ACBD6: variants seen among roughly 807,000 people sequenced by gnomAD.
ACBD6 encodes the protein acyl-CoA-binding domain-containing protein 6.
In ACBD6, 28 loss-of-function variants were observed where a neutral mutation model predicts 37.2. That is an observed-to-expected ratio of 0.75 (90% CI 0.56 to 1.03). The LOEUF is 1.03. ACBD6 is among the 50% of genes least tolerant of loss of function. The pLI is 0.00. For synonymous variants in ACBD6, 113 were observed against 126.8 expected, an observed-to-expected ratio of 0.89 and a Z score of 0.73; for missense variants, 340 against 337.4, an observed-to-expected ratio of 1.01 and a Z score of -0.06.
At chr1:180,349,416 T>C (rs924809361) in intron 6 of ACBD6, among the ~76,000 whole-genome samples, 3 of 151,642 alleles carry the variant, frequency 2.0e-5, no homozygotes, top group African/African-American at 4.8e-5. Flanking sequence ...CCACCACGCC[T>C]GGCTAATTTT....
At chr1:180,421,315 CTCCA>C (rs1254559346) in intron 4 of ACBD6, among the ~76,000 whole-genome samples, 3 of 152,206 alleles carry the variant, frequency 2.0e-5, no homozygotes, top group Non-Finnish European at 4.4e-5. Context: ...TGGCTTCCAA[CTCCA>C]TCCATGTCCC....
intron 6 of ACBD6, among the ~76,000 whole-genome samples, chr1:180,389,969 A>G (rs1048189315): frequency 1.8e-4 from 27 of 151,822 alleles, no homozygotes; most frequent in Middle Eastern, 3.2e-3. Context: ...TCACTCTGAT[A>G]GTAGTTTCTT....
chr1:180,415,328 C>T (rs1648042391), intron 4 of ACBD6, among the ~76,000 whole-genome samples: 2 of 151,206 alleles, frequency 1.3e-5, no homozygotes, highest in Admixed American at 1.3e-4. Context: ...ACCCAGGAGG[C>T]AGAGGTTGCA....
chr1:180,427,577 C>G (rs1433513970), intron 4 of ACBD6, among the ~76,000 whole-genome samples: 2 of 152,116 alleles, frequency 1.3e-5, no homozygotes, highest in Non-Finnish European at 2.9e-5. Flanking sequence ...ACGTAAGAAA[C>G]CATACGGACT....
intron 2 of ACBD6, among the ~76,000 whole-genome samples, chr1:180,493,263 A>ACAAAAC (rs1651585033): frequency 1.4e-5 from 2 of 140,754 alleles, no homozygotes; most frequent in Non-Finnish European, 3.0e-5. Flanking sequence ...AAAAAAAAAA[A>ACAAAAC]AAAAAAAAAA....
chr1:180,449,826 G>T (rs1426415129), intron 3 of ACBD6, among the ~76,000 whole-genome samples: 2 of 151,148 alleles, frequency 1.3e-5, no homozygotes, highest in Admixed American at 6.6e-5. Flanking sequence ...ACAAGTTAAT[G>T]GGTACAGCAA....
At chr1:180,334,097 T>C (rs1167372608) in intron 6 of ACBD6, among the ~76,000 whole-genome samples, 1 of 152,222 alleles carries the variant, frequency 6.6e-6, no homozygotes, top group African/African-American at 2.4e-5. Context: ...GGGCAGGGCA[T>C]AGTCAAACAA....
chr1:180,367,051 C>G (rs748725658), intron 6 of ACBD6, among the ~76,000 whole-genome samples: 1 of 152,182 alleles, frequency 6.6e-6, no homozygotes, highest in Non-Finnish European at 1.5e-5. Context: ...TAATGCTACA[C>G]AGATTCCTGT....
At chr1:180,301,161 G>C (rs1347699502) in intron 7 of ACBD6, among the ~76,000 whole-genome samples, 4 of 152,138 alleles carry the variant, frequency 2.6e-5, no homozygotes, top group African/African-American at 7.2e-5. Flanking sequence ...CACCACTACT[G>C]TATATCTGCC....
chr1:180,269,914 G>T (rs1648535690), exon 14 of ACBD6: 1 of 152,272 alleles, frequency 6.6e-6, no homozygotes, highest in Non-Finnish European at 1.5e-5. Flanking sequence ...TTCAGGGAGG[G>T]AGTTGGGCCA....
At chr1:180,461,212 A>C (rs753109791) in intron 3 of ACBD6, among the ~76,000 whole-genome samples, 2 of 152,228 alleles carry the variant, frequency 1.3e-5, no homozygotes, top group Non-Finnish European at 2.9e-5. Context: ...AAAAAAAGTA[A>C]AAAGTAATGA....
chr1:180,450,360 AC>A (rs1229486614), intron 3 of ACBD6, among the ~76,000 whole-genome samples: 6 of 152,218 alleles, frequency 3.9e-5, no homozygotes, highest in Admixed American at 6.5e-5. Context: ...CACAAGAATG[AC>A]TGGGAAGGTA....
At chr1:180,429,662 TC>T (rs1482160464) in intron 4 of ACBD6, among the ~76,000 whole-genome samples, 1 of 152,220 alleles carries the variant, frequency 6.6e-6, no homozygotes, top group African/African-American at 2.4e-5. Flanking sequence ...TGAGGAAACT[TC>T]CGTTTTCCAC....
intron 6 of ACBD6, among the ~76,000 whole-genome samples, chr1:180,344,066 G>T (rs193049584): frequency 6.6e-6 from 1 of 152,198 alleles, no homozygotes; most frequent in South Asian, 2.1e-4. Context: ...AAGAATTCTA[G>T]CTGGTCTGAG....
intron 1 of ACBD6, among the ~76,000 whole-genome samples, 188 bp from the exon 2 acceptor site, chr1:180,495,713 T>C (rs1651707039): frequency 6.6e-6 from 1 of 152,198 alleles, no homozygotes; most frequent in African/African-American, 2.4e-5. Context: ...AAACATTACA[T>C]ACAGCCTACT....
intron 3 of ACBD6, among the ~76,000 whole-genome samples, chr1:180,437,947 T>C (rs1367793291): frequency 2.0e-5 from 3 of 152,056 alleles, no homozygotes; most frequent in African/African-American, 4.8e-5. Context: ...AATGTTAGAG[T>C]AGGGGTCCCC....
intron 4 of ACBD6, among the ~76,000 whole-genome samples, chr1:180,418,223 G>A (rs1648180907): frequency 6.6e-6 from 1 of 152,074 alleles, no homozygotes; most frequent in African/African-American, 2.4e-5. Flanking sequence ...ACTTACAGAT[G>A]TTTTTCTCCC....
chr1:180,493,274 AAAAACAACAAC>A (rs1651593132), intron 2 of ACBD6, among the ~76,000 whole-genome samples: 1 of 139,396 alleles, frequency 7.2e-6, no homozygotes, highest in Admixed American at 7.2e-5. Context: ...AAAAAAAAAA[AAAAACAACAAC>A]AGCAACTAAA....
intron 3 of ACBD6, among the ~76,000 whole-genome samples, chr1:180,457,965 G>C (rs1316770876): frequency 1.3e-5 from 2 of 151,790 alleles, no homozygotes; most frequent in South Asian, 2.1e-4. Flanking sequence ...GCTAAATTTT[G>C]TATTTTTTTT....
Sources: allele counts gnomAD v4.1 joint callset (sites outside exome capture counted in the v4.1 genomes callset), GRCh38; gene constraint gnomAD v4.1.1; transcripts MANE v1.5; gene names NCBI Gene and HGNC (gene_info 2026-07-23, HGNC 2026-07-21).